MINDY3: variants seen among roughly 807,000 people sequenced by gnomAD.
MINDY3 encodes ubiquitin carboxyl-terminal hydrolase MINDY-3.
A neutral mutation model predicts 69.2 loss-of-function variants in MINDY3; 38 were observed. The ratio of observed to expected loss-of-function variants is 0.55; its 90% CI spans 0.42 to 0.72. The LOEUF (loss-of-function observed/expected upper bound fraction) is 0.72. Ranked by LOEUF, MINDY3 falls within the 30% of genes least tolerant of loss-of-function variation. MINDY3 has a pLI of 0.00. For synonymous variants in MINDY3, 192 were observed against 180.1 expected (o/e 1.07, Z -0.53); for missense variants, 522 against 519.0 (o/e 1.01, Z -0.06).
chr10:15,787,104 A>C (rs1588506906), intron 12 of MINDY3, among the ~76,000 whole-genome samples: 1 of 152,184 alleles, frequency 6.6e-6, no homozygotes, highest in African/African-American at 2.4e-5. Flanking sequence ...TAAAAAGCTT[A>C]CTTTTAAAAA....
chr10:15,856,061 G>A (rs1043185116), intron 1 of MINDY3, among the ~76,000 whole-genome samples: 5 of 151,820 alleles, frequency 3.3e-5, no homozygotes, highest in African/African-American at 1.2e-4. Context: ...ATATATATAA[G>A]AGAATGTTAA....
At chr10:15,856,083 A>G (rs1439699448) in intron 1 of MINDY3, among the ~76,000 whole-genome samples, 1 of 151,368 alleles carries the variant, frequency 6.6e-6, no homozygotes, top group East Asian at 1.9e-4. Flanking sequence ...AACTTCCAAA[A>G]ACAACAAAAA....
Position 15,834,596 on chromosome 10 carries a change from GTTT to G in MINDY3, c.594_596del (p.Lys198del). On this transcript the variant is annotated inframe_deletion, in exon 7 of 15. Coordinates refer to ENST00000277632, the MANE Select transcript of MINDY3 (RefSeq NM_024948.4). The stretch of plus-strand genomic sequence containing the variant: ...AGGGTTCACTTGCATCTTCAATTTC[GTTT>G]TTTATGTTTTCAATGCCCTAAAGAA... 6.2e-7 allele frequency: 1 copy of G among 1,610,004 alleles called. No homozygotes were observed. The highest frequency in any genetic ancestry group is 1.3e-5 in the African/African-American group (1 of 74,874).
At position 15,834,531 on chromosome 10, in the gene MINDY3, TTAGTTAA is replaced by T; in HGVS notation, c.650+5_650+11del. Reference sequence around the variant, plus strand: ...AGTTCACATGAGGAGACAAGAGATTTTAGTTAATTACCTGCCATGTCCATATACAGGA... The same window carrying T: ...AGTTCACATGAGGAGACAAGAGATTTTTACCTGCCATGTCCATATACAGGA... On this transcript the variant is annotated splice_donor_5th_base_variant and intron_variant, in intron 7 of 14. Coordinates refer to ENST00000277632, the MANE Select transcript of MINDY3 (RefSeq NM_024948.4). 1 of 1,593,184 alleles carries T rather than the reference TTAGTTAA, an allele frequency of 6.3e-7. No homozygotes were observed. The highest frequency in any genetic ancestry group is 1.3e-5 in the African/African-American group (1 of 74,404).
chr10:15,816,651 A>G (rs950180147), intron 10 of MINDY3, among the ~76,000 whole-genome samples, 184 bp downstream of exon 10: 1 of 152,216 alleles, frequency 6.6e-6, no homozygotes, highest in African/African-American at 2.4e-5. Context: ...GATTTTGATT[A>G]AAAGATTCCA....
chr10:15,797,434 C>T (rs1176862372), intron 10 of MINDY3, among the ~76,000 whole-genome samples: 1 of 152,138 alleles, frequency 6.6e-6, no homozygotes, highest in African/African-American at 2.4e-5. Context: ...CATTATTTTG[C>T]TGATAATGTA....
intron 8 of MINDY3, among the ~76,000 whole-genome samples, chr10:15,825,175 A>C (rs1332997216): frequency 1.3e-5 from 2 of 152,152 alleles, no homozygotes; most frequent in African/African-American, 4.8e-5. Flanking sequence ...ATGACTCTCA[A>C]AGGAAATGTT....
At chr10:15,796,309 G>C (rs1486016757) in intron 10 of MINDY3, 137 bp from the exon 11 acceptor site, 2 of 677,316 alleles carry the variant, frequency 3.0e-6, no homozygotes, top group South Asian at 3.6e-5. Context: ...GATGTGTAAC[G>C]AGATAGGTCA....
At position 15,843,277 on chromosome 10, in the gene MINDY3, A is replaced by T. The variant is rs774020952; in HGVS notation, c.175-5T>A. The T allele has an allele frequency of 1.7e-5, 28 of 1,607,842 alleles. No homozygotes were observed. The highest frequency in any genetic ancestry group is 2.2e-5 in the Non-Finnish European group (26 of 1,174,650). On this transcript the variant is annotated splice_region_variant and splice_polypyrimidine_tract_variant and intron_variant, in intron 2 of 14. Coordinates refer to ENST00000277632, the MANE Select transcript of MINDY3 (RefSeq NM_024948.4). ...GAGCTTCTTCAAAAGAAATGCCTTT[A>T]CACAATTAAAGCAATAATTAGTGAA...
At chr10:15,843,138 T>A (rs1452202352) in intron 3 of MINDY3, 74 bp downstream of exon 3, 2 of 1,244,202 alleles carry the variant, frequency 1.6e-6, no homozygotes, top group African/African-American at 3.0e-5. Flanking sequence ...GATACTTGAC[T>A]TTCTCAGATA....
chr10:15,828,979 A>C (rs893189102), intron 8 of MINDY3, among the ~76,000 whole-genome samples: 1 of 152,160 alleles, frequency 6.6e-6, no homozygotes, highest in Non-Finnish European at 1.5e-5. Context: ...ACTTGCCTTG[A>C]AGGGTTGTTG....
chr10:15,825,535 G>A (rs1429905628), intron 8 of MINDY3, among the ~76,000 whole-genome samples: 1 of 152,146 alleles, frequency 6.6e-6, no homozygotes, highest in Non-Finnish European at 1.5e-5. Flanking sequence ...ATATAAAAGA[G>A]AATGAAACAA....
At chr10:15,795,739 C>T (rs1018715846) in intron 11 of MINDY3, among the ~76,000 whole-genome samples, 1 of 151,994 alleles carries the variant, frequency 6.6e-6, no homozygotes, top group African/African-American at 2.4e-5. Context: ...GTCAATTATA[C>T]AGAAATATCC....
Position 15,820,430 on chromosome 10 carries a change from A to G in MINDY3, c.801+1226T>C, listed in dbSNP as rs369444882. ...CCCTAGCCTCATACAAGACGCAGGCATGCGTGCACATCCCACTTGCCCCAC... is the reference window on the plus strand; with the variant it reads ...CCCTAGCCTCATACAAGACGCAGGCGTGCGTGCACATCCCACTTGCCCCAC... On this transcript the variant is annotated intron_variant, in intron 9 of 14. Coordinates refer to ENST00000277632, the MANE Select transcript of MINDY3 (RefSeq NM_024948.4). Among the ~76,000 whole-genome samples, 4 of 152,306 alleles carry G rather than the reference A, an allele frequency of 2.6e-5. No homozygotes were observed. The East Asian group carries it at 7.7e-4, about 29-fold the overall frequency.
chr10:15,785,023 G>C (rs1168531169), intron 13 of MINDY3, among the ~76,000 whole-genome samples: 1 of 152,102 alleles, frequency 6.6e-6, no homozygotes, highest in Non-Finnish European at 1.5e-5. Flanking sequence ...GGGCTTGTTA[G>C]ACCACATTGC....
intron 12 of MINDY3, 66 bp downstream of exon 12, chr10:15,789,181 A>T (rs1300837446): frequency 1.5e-6 from 2 of 1,316,854 alleles, no homozygotes; most frequent in African/African-American, 2.9e-5. Flanking sequence ...CAAAAAATGT[A>T]CAATATGTCT....
At chr10:15,837,780 A>G (rs949616921) in intron 5 of MINDY3, 3 of 1,033,244 alleles carry the variant, frequency 2.9e-6, no homozygotes, top group African/African-American at 1.7e-5. Context: ...AATGCCACCC[A>G]TAATTCTATC....
At chr10:15,846,320 A>G (rs990465008) in intron 2 of MINDY3, among the ~76,000 whole-genome samples, 1 of 152,214 alleles carries the variant, frequency 6.6e-6, no homozygotes, top group African/African-American at 2.4e-5. Flanking sequence ...AAACCTTGCT[A>G]TTACTGACCA....
intron 13 of MINDY3, 189 bp from the exon 14 acceptor site, chr10:15,782,415 TGAA>T (rs1228121283): frequency 1.9e-6 from 1 of 520,678 alleles, no homozygotes; most frequent in Non-Finnish European, 3.3e-6. Context: ...GTGTTGCCTC[TGAA>T]GAAGATGCTG....
Sources: gnomAD v4.1 joint callset for allele counts (sites outside exome capture counted in the v4.1 genomes callset) on GRCh38, gnomAD v4.1.1 for gene constraint, MANE v1.5 for transcripts, NCBI Gene and HGNC (gene_info 2026-07-23, HGNC 2026-07-21) for gene names.